CTNNA2: variants seen among roughly 807,000 people sequenced by gnomAD.
CTNNA2 encodes the protein catenin alpha-2.
A neutral mutation model predicts 101.0 loss-of-function variants in CTNNA2; 42 were observed. That is an observed-to-expected ratio of 0.42 (90% CI 0.32 to 0.54). The LOEUF is 0.54. Ranked by LOEUF, CTNNA2 falls within the 20% of genes least tolerant of loss-of-function variation. The pLI is 0.14. For missense variants in CTNNA2, 871 were observed against 1,223.1 expected (o/e 0.71, Z 4.29); for synonymous variants, 450 against 456.4 (o/e 0.99, Z 0.18).
At chr2:79,727,720 CT>C (rs1473550964) in intron 2 of CTNNA2, among the ~76,000 whole-genome samples, 10 of 109,046 alleles carry the variant, frequency 9.2e-5, no homozygotes, top group African/African-American at 3.6e-4. Context: ...AAAGCTATCC[CT>C]CCCCCCTCCC....
chr2:79,883,037 G>A (rs1219328602), intron 6 of CTNNA2, among the ~76,000 whole-genome samples: 1 of 152,204 alleles, frequency 6.6e-6, no homozygotes, highest in African/African-American at 2.4e-5. Flanking sequence ...TCTGATGAGA[G>A]AACCTGATAC....
At chr2:80,524,301 C>T (rs969372494) in intron 9 of CTNNA2, among the ~76,000 whole-genome samples, 1 of 152,184 alleles carries the variant, frequency 6.6e-6, no homozygotes, top group African/African-American at 2.4e-5. Context: ...TCCTCCTCCA[C>T]ATTCCTTGTT....
At chr2:80,622,922 A>G (rs1671281534) in intron 18 of CTNNA2, among the ~76,000 whole-genome samples, 1 of 151,710 alleles carries the variant, frequency 6.6e-6, no homozygotes, top group Non-Finnish European at 1.5e-5. Flanking sequence ...TTGTGACATC[A>G]GAATTAGCTT....
intron 3 of CTNNA2, among the ~76,000 whole-genome samples, chr2:79,817,993 T>C (rs1677667580): frequency 6.6e-6 from 1 of 152,198 alleles, no homozygotes; most frequent in Non-Finnish European, 1.5e-5. Flanking sequence ...ATTTCGCATA[T>C]TGGGCTTCAA....
chr2:79,414,657 T>G (rs966113974), intron 4 of CTNNA2, among the ~76,000 whole-genome samples: 1 of 152,128 alleles, frequency 6.6e-6, no homozygotes, highest in Non-Finnish European at 1.5e-5. Context: ...AATGATGTTA[T>G]GCAGCATCTG....
intron 2 of CTNNA2, among the ~76,000 whole-genome samples, chr2:79,706,736 T>G (rs945056716): frequency 3.3e-5 from 5 of 152,072 alleles, no homozygotes; most frequent in African/African-American, 9.7e-5. Flanking sequence ...TCTTGGGTGG[T>G]GGGCAGGCAC....
At chr2:79,282,366 C>T (rs1675414149) in intron 2 of CTNNA2, among the ~76,000 whole-genome samples, 3 of 152,078 alleles carry the variant, frequency 2.0e-5, no homozygotes, top group South Asian at 4.1e-4. Flanking sequence ...ACTAACTCAT[C>T]ATCTAGCATT....
At chr2:79,914,414 G>A (rs558631461) in intron 7 of CTNNA2, among the ~76,000 whole-genome samples, 13 of 152,230 alleles carry the variant, frequency 8.5e-5, no homozygotes, top group African/African-American at 3.1e-4. Context: ...TACTAAAACT[G>A]TAAATGAAGA....
intron 9 of CTNNA2, among the ~76,000 whole-genome samples, chr2:80,438,759 T>C (rs754033271): frequency 9.2e-5 from 14 of 152,180 alleles, no homozygotes; most frequent in Non-Finnish European, 1.3e-4. Flanking sequence ...TTCCTTTAGG[T>C]AGTGGATGCA....
At chr2:80,444,184 C>G (rs1178381628) in intron 9 of CTNNA2, among the ~76,000 whole-genome samples, 1 of 152,150 alleles carries the variant, frequency 6.6e-6, no homozygotes, top group East Asian at 1.9e-4. Flanking sequence ...TCCACGTCAT[C>G]CAATCTTCTA....
intron 3 of CTNNA2, among the ~76,000 whole-genome samples, chr2:79,348,127 C>T (rs1029081141): frequency 3.3e-5 from 5 of 152,080 alleles, no homozygotes; most frequent in African/African-American, 1.2e-4. Context: ...TTGCTAGAAC[C>T]AAACAACAAA....
chr2:79,236,701 A>G (rs1674562325), intron 2 of CTNNA2, among the ~76,000 whole-genome samples: 1 of 152,190 alleles, frequency 6.6e-6, no homozygotes, highest in South Asian at 2.1e-4. Context: ...TGTCATTTCA[A>G]CAATGTTCAC....
At chr2:79,993,708 A>G (rs920959338) in intron 7 of CTNNA2, among the ~76,000 whole-genome samples, 14 of 152,096 alleles carry the variant, frequency 9.2e-5, no homozygotes, top group Non-Finnish European at 1.8e-4. Flanking sequence ...GACAGAGCAA[A>G]GGAGGGTCTG....
intron 18 of CTNNA2, among the ~76,000 whole-genome samples, chr2:80,640,596 C>T (rs572666237): frequency 4.6e-5 from 7 of 152,228 alleles, no homozygotes; most frequent in Admixed American, 1.3e-4. Flanking sequence ...GGAAAATGTA[C>T]GCAGGTATTT....
chr2:80,451,870 C>T (rs868369099), intron 9 of CTNNA2, among the ~76,000 whole-genome samples: 4 of 150,826 alleles, frequency 2.7e-5, no homozygotes, highest in Admixed American at 1.3e-4. Context: ...TATTTTTTAT[C>T]GGAAAAAAAA....
chr2:80,518,438 T>A (rs1689269780), intron 9 of CTNNA2, among the ~76,000 whole-genome samples: 1 of 152,184 alleles, frequency 6.6e-6, no homozygotes, highest in African/African-American at 2.4e-5. Context: ...GGATAGAGGA[T>A]GATGGATGAT....
intron 3 of CTNNA2, among the ~76,000 whole-genome samples, chr2:79,777,888 T>TG (rs200961116): frequency 7.2e-6 from 1 of 139,412 alleles, no homozygotes; most frequent in African/African-American, 2.8e-5. Context: ...TTTATTTGCA[T>TG]GGGGTTTTTT....
At chr2:79,829,422 A>ACACACACACACAC (rs1553376366) in intron 3 of CTNNA2, among the ~76,000 whole-genome samples, 6 of 123,920 alleles carry the variant, frequency 4.8e-5, no homozygotes, top group African/African-American at 1.9e-4. Context: ...CACAGACACA[A>ACACACACACACAC]AGCCGGGCGA....
chr2:80,065,047 T>G (rs1425452575), intron 7 of CTNNA2, among the ~76,000 whole-genome samples: 1 of 152,208 alleles, frequency 6.6e-6, no homozygotes, highest in Non-Finnish European at 1.5e-5. Context: ...AAAACCCTTT[T>G]GCTGACTTGT....
Sources: gnomAD v4.1 joint callset for allele counts (sites outside exome capture counted in the v4.1 genomes callset) on GRCh38, gnomAD v4.1.1 for gene constraint, MANE v1.5 for transcripts, NCBI Gene and HGNC (gene_info 2026-07-23, HGNC 2026-07-21) for gene names.